OMA1: variants seen among roughly 807,000 people sequenced by gnomAD.
OMA1 encodes the protein OMA1 zinc metallopeptidase, also known as metalloendopeptidase OMA1, mitochondrial.
Under a neutral mutation model 30.9 loss-of-function variants are expected in OMA1, and 38 were observed. The ratio of observed to expected loss-of-function variants is 1.23; its 90% CI spans 0.95 to 1.61. The LOEUF (loss-of-function observed/expected upper bound fraction) is 1.61. Among genes scored for constraint, OMA1 ranks in the 40% most tolerant of loss-of-function variants. The pLI, the probability that OMA1 is intolerant of heterozygous loss-of-function variation, is 0.00. For missense variants in OMA1, 461 were observed against 349.2 expected (o/e 1.32, Z -2.55); for synonymous variants, 173 against 121.9 (o/e 1.42, Z -2.76).
intron 5 of OMA1, among the ~76,000 whole-genome samples, chr1:58,533,312 T>G (rs1646465464): frequency 6.6e-6 from 1 of 152,208 alleles, no homozygotes; most frequent in South Asian, 2.1e-4. Context: ...CACGTTAAAG[T>G]CCCAGTTCGG....
chr1:58,495,359 T>G (rs1245089936), intron 8 of OMA1, among the ~76,000 whole-genome samples: 1 of 152,106 alleles, frequency 6.6e-6, no homozygotes, highest in East Asian at 1.9e-4. Flanking sequence ...ACATGGCACA[T>G]GTATATATAT....
chr1:58,507,589 T>C (rs755971346), intron 7 of OMA1, among the ~76,000 whole-genome samples: 7 of 152,060 alleles, frequency 4.6e-5, no homozygotes, highest in Admixed American at 4.6e-4. Flanking sequence ...CATGTTTATA[T>C]GTATATAAAC....
At chr1:58,523,714 A>G (rs912726032) in intron 7 of OMA1, among the ~76,000 whole-genome samples, 2 of 152,168 alleles carry the variant, frequency 1.3e-5, no homozygotes, top group African/African-American at 2.4e-5. Context: ...CCTGGCTAAC[A>G]CGGTGAAACC....
At position 58,526,919 on chromosome 1, in the gene OMA1, A is replaced by C. The variant is rs79049047; in HGVS notation, c.1215+342T>G. Among the ~76,000 whole-genome samples the C allele has an allele frequency of 3.7e-3, 557 of 152,246 alleles. 4 individuals carry two copies. The highest frequency in any genetic ancestry group is 0.013 in the African/African-American group (534 of 41,574). ...CATAACCAAATGTTTTAAAATTTCA[A>C]TTTGTATGTTTCATGTCTATGATCA... On this transcript the variant is annotated intron_variant, in intron 7 of 8. Transcript: ENST00000371226.
chr1:58,533,876 A>G, intron 5 of OMA1, 77 bp downstream of exon 5: 1 of 796,462 alleles, frequency 1.3e-6, no homozygotes, highest in Non-Finnish European at 2.2e-6. Flanking sequence ...CCTGAAAAAA[A>G]TCAGTTCTTT....
intron 8 of OMA1, among the ~76,000 whole-genome samples, chr1:58,501,836 T>C (rs1157002314): frequency 6.6e-6 from 1 of 151,974 alleles, no homozygotes; most frequent in Non-Finnish European, 1.5e-5. Context: ...GTAACTAAGG[T>C]TTAATGAGGT....
chr1:58,492,039 A>G (rs187260679), intron 8 of OMA1, among the ~76,000 whole-genome samples: 1 of 152,338 alleles, frequency 6.6e-6, no homozygotes, highest in East Asian at 1.9e-4. Context: ...AGCAAATTAA[A>G]AGAACAGAAA....
chr1:58,486,962 T>A (rs532050233), intron 8 of OMA1, among the ~76,000 whole-genome samples: 2 of 152,144 alleles, frequency 1.3e-5, no homozygotes, highest in Non-Finnish European at 2.9e-5. Context: ...CTGGAAGACA[T>A]AGGAAGAGTC....
At chr1:58,518,354 GGAAGGGAAGAGAAGA>G (rs1646205633) in intron 7 of OMA1, among the ~76,000 whole-genome samples, 1 of 32,434 alleles carries the variant, frequency 3.1e-5, no homozygotes, top group East Asian at 2.5e-3. Context: ...AGAAGAGAAG[GGAAGGGAAGAGAAGA>G]GAAGGGAAGA....
At position 58,506,216 on chromosome 1, in the gene OMA1, C is replaced by G. The variant is rs200117319; in HGVS notation, c.1216-7G>C. On this transcript the variant is annotated splice_polypyrimidine_tract_variant and splice_region_variant and intron_variant, in intron 7 of 8. Coordinates refer to ENST00000371226, the MANE Select transcript of OMA1 (RefSeq NM_145243.5). ...CTCTTATGTCTGCACAAGCCTAAAA[C>G]CAAAATTAGTAAAACCACACAATGA... 58 of 860,810 alleles carry G rather than the reference C, an allele frequency of 6.7e-5. No homozygotes were observed. Among genetic ancestry groups the G allele is most frequent in the Non-Finnish European group, 1.2e-4 (57 of 494,002 alleles). The allele number at this position is 860,810 out of a possible 1,614,324, so 53.3% of individuals were successfully genotyped here. A position where few individuals can be genotyped will look rare whatever the true frequency, so the allele number is the denominator to read the frequency against.
intron 5 of OMA1, 157 bp downstream of exon 5, chr1:58,533,796 C>A: frequency 1.7e-6 from 1 of 596,756 alleles, no homozygotes; most frequent in Non-Finnish European, 3.0e-6. Context: ...CAAAATTAGC[C>A]AATCACGTTT....
chr1:58,525,392 A>G (rs1646333792), intron 7 of OMA1, among the ~76,000 whole-genome samples: 2 of 152,184 alleles, frequency 1.3e-5, no homozygotes. Context: ...AAAGGAAGAA[A>G]TAAAGGTTGC....
At chr1:58,546,482 C>A (rs1646708063) in intron 1 of OMA1, among the ~76,000 whole-genome samples, 1 of 151,194 alleles carries the variant, frequency 6.6e-6, no homozygotes, top group Admixed American at 6.6e-5. Context: ...AGATCCCCTC[C>A]GTCTCCCGCC....
intron 1 of OMA1, among the ~76,000 whole-genome samples, chr1:58,540,136 T>C (rs1283996374): frequency 6.6e-6 from 1 of 152,128 alleles, no homozygotes; most frequent in East Asian, 1.9e-4. Flanking sequence ...AACCTTATCA[T>C]TCGTGGGTAG....
chr1:58,539,372 T>C (rs1646567965), intron 1 of OMA1, 62 bp from the exon 2 acceptor site: 3 of 697,810 alleles, frequency 4.3e-6, no homozygotes, highest in Non-Finnish European at 7.2e-6. Flanking sequence ...ACTGGGACTA[T>C]AACACTTATT....
At chr1:58,499,854 A>G (rs1350408885) in intron 8 of OMA1, among the ~76,000 whole-genome samples, 1 of 152,148 alleles carries the variant, frequency 6.6e-6, no homozygotes, top group African/African-American at 2.4e-5. Context: ...AGTAACAACT[A>G]AAGTATTTAT....
chr1:58,502,567 T>C (rs140977086), intron 8 of OMA1, among the ~76,000 whole-genome samples: 43 of 152,322 alleles, frequency 2.8e-4, no homozygotes, highest in African/African-American at 9.6e-4. Flanking sequence ...ACAGGAACCT[T>C]AGGTAGAACA....
chr1:58,506,061 T>A lies in OMA1; in HGVS notation c.1364A>T (p.Gln455Leu). The A allele has an allele frequency of 2.3e-6, 2 of 866,504 alleles. No individual in the cohort carries two copies. The highest frequency in any genetic ancestry group is 2.6e-5 in the South Asian group (2 of 75,568). The allele number at this position is 866,504 out of a possible 1,614,324, so 53.7% of individuals were successfully genotyped here. A position where few individuals can be genotyped will look rare whatever the true frequency, so the allele number is the denominator to read the frequency against. Reference protein sequence around the residue: ...RVEYLDRLIPQALKIREMCNC... With the variant: ...RVEYLDRLIPLALKIREMCNC... Reference sequence around the variant, plus strand: ...CCGCCTTCTACGGTGTCAGCTCACCTGAGGTATAAGTCTATCCAAGTACTC... The same window carrying A: ...CCGCCTTCTACGGTGTCAGCTCACCAGAGGTATAAGTCTATCCAAGTACTC... Residue 455 changes from glutamine (Q) to leucine (L), a missense_variant and splice_region_variant, in exon 8 of 9, where the codon CAG (glutamine) becomes CTG (leucine). Gln to Leu is a moderately radical substitution (Grantham distance 113, BLOSUM62 -2). Coordinates refer to ENST00000371226, the MANE Select transcript of OMA1 (RefSeq NM_145243.5).
chr1:58,487,802 T>C (rs972819352), intron 8 of OMA1, among the ~76,000 whole-genome samples: 7 of 152,146 alleles, frequency 4.6e-5, no homozygotes, highest in Admixed American at 6.5e-5. Flanking sequence ...TCAACACACA[T>C]ATACTTTAAT....
Sources: gnomAD v4.1 joint callset for allele counts (sites outside exome capture counted in the v4.1 genomes callset) on GRCh38, gnomAD v4.1.1 for gene constraint, MANE v1.5 for transcripts, NCBI Gene and HGNC (gene_info 2026-07-23, HGNC 2026-07-21) for gene names.